Variants in SFMBT2 observed in about 807,000 individuals in gnomAD.
The protein encoded by SFMBT2 is Scm like with four mbt domains 2.
In SFMBT2, 38 loss-of-function variants were observed where a neutral mutation model predicts 110.1. The observed-to-expected ratio is 0.35, with a 90% CI of 0.27 to 0.45. SFMBT2 has a LOEUF of 0.45. SFMBT2 is among the 20% of genes least tolerant of loss of function. The pLI is 1.00. For synonymous variants in SFMBT2, 425 were observed against 425.4 expected (o/e 1.00, Z 0.01); for missense variants, 1,011 against 1,094.9 (o/e 0.92, Z 1.08).
intron 4 of SFMBT2, among the ~76,000 whole-genome samples, chr10:7,315,064 G>GAAAGAA (rs1301710490): frequency 1.4e-5 from 2 of 139,628 alleles, no homozygotes; most frequent in Non-Finnish European, 3.2e-5. Context: ...AAGAAAGAAA[G>GAAAGAA]AAAGAAAGAA....
intron 1 of SFMBT2, among the ~76,000 whole-genome samples, chr10:7,387,016 T>C (rs1156298347): frequency 2.0e-5 from 3 of 152,168 alleles, no homozygotes; most frequent in Non-Finnish European, 2.9e-5. Context: ...TCCCCCATTA[T>C]CCACATTTCC....
intron 7 of SFMBT2, among the ~76,000 whole-genome samples, chr10:7,274,836 C>T (rs2131819614): frequency 6.6e-6 from 1 of 151,520 alleles, no homozygotes; most frequent in South Asian, 2.1e-4. Context: ...GCCTGGGTTA[C>T]AGAGTGACAC....
At chr10:7,384,168 G>A (rs1334720520) in intron 1 of SFMBT2, among the ~76,000 whole-genome samples, 3 of 116,358 alleles carry the variant, frequency 2.6e-5, no homozygotes, top group Admixed American at 1.3e-4. Context: ...CTGAGATCGC[G>A]CCATTGCTCT....
rs191519321 is a variant in SFMBT2 at position 7,211,374 on chromosome 10, C to G, written c.1331-5446G>C. Among the ~76,000 whole-genome samples the G allele has an allele frequency of 4.7e-4, 71 of 152,258 alleles. 1 individual carries two copies. The highest frequency in any genetic ancestry group is 1.0e-3 in the Non-Finnish European group (69 of 68,010). The stretch of plus-strand genomic sequence containing the variant: ...AGTGAGAATGTGCTCACCGGGAAGT[C>G]ACATGCACCACAATGGCAGCTGGAA... On this transcript the variant is annotated intron_variant, in intron 11 of 20. Transcript: ENST00000397167.
At chr10:7,313,154 A>C (rs1341212908) in intron 4 of SFMBT2, among the ~76,000 whole-genome samples, 1 of 150,584 alleles carries the variant, frequency 6.6e-6, no homozygotes, top group Non-Finnish European at 1.5e-5. Context: ...AAATACAGAG[A>C]GAATAATACA....
rs922733037 is a variant in SFMBT2, at chr10:7,189,103, A to T, written c.1699-370T>A. On this transcript the variant is annotated intron_variant, in intron 15 of 20. Transcript: ENST00000397167. ...AGTTGGATAGGCTACTGAGAATTTC[A>T]TTCTATTTTTACAGATTTCATAAGG... 4.2e-6 allele frequency: 4 copies of T among 953,596 alleles called. No individual in the cohort carries two copies. The African/African-American group carries it at 7.1e-5, about 17-fold the overall frequency. The allele number at this position is 953,596 out of a possible 1,614,324, so 59.1% of individuals were successfully genotyped here. A position where few individuals can be genotyped will look rare whatever the true frequency, so the allele number is the denominator to read the frequency against.
chr10:7,204,120 G>A (rs1257934734), intron 12 of SFMBT2: 3 of 206,868 alleles, frequency 1.5e-5, no homozygotes, highest in Admixed American at 6.5e-5. Context: ...AAGGGGAAAC[G>A]ATTACTCCAA....
chr10:7,344,256 CTG>C (rs1165267702), intron 4 of SFMBT2, among the ~76,000 whole-genome samples: 1 of 152,138 alleles, frequency 6.6e-6, no homozygotes, highest in Non-Finnish European at 1.5e-5. Flanking sequence ...TATGGTTTGG[CTG>C]TGTCCCCAAC....
intron 15 of SFMBT2, among the ~76,000 whole-genome samples, chr10:7,190,018 T>TTGTA (rs1838545660): frequency 6.6e-6 from 1 of 152,210 alleles, no homozygotes; most frequent in Non-Finnish European, 1.5e-5. Flanking sequence ...CTTTCTCAAG[T>TTGTA]TGTAACTAAG....
chr10:7,204,282 G>C, intron 12 of SFMBT2: 2 of 921,182 alleles, frequency 2.2e-6, no homozygotes, highest in Non-Finnish European at 2.6e-6. Flanking sequence ...AAACTCTGTC[G>C]CCATCAGGGA....
At chr10:7,246,444 G>A (rs1186739158) in intron 8 of SFMBT2, among the ~76,000 whole-genome samples, 3 of 149,668 alleles carry the variant, frequency 2.0e-5, no homozygotes, top group East Asian at 3.8e-4. Context: ...AGAGAGGCCG[G>A]GTGCAGTGGC....
In SFMBT2 at chr10:7,314,114, A is replaced by G. The variant is rs1458692523; in HGVS notation, c.437-28160T>C. On this transcript the variant is annotated intron_variant, in intron 4 of 20. Transcript: ENST00000397167. Reference sequence around the variant, plus strand: ...ATTATCACTGATTCAAACATGTCCTAGTTAGAACATTTAGTAAGAGTCTAA... The same window carrying G: ...ATTATCACTGATTCAAACATGTCCTGGTTAGAACATTTAGTAAGAGTCTAA... Among the ~76,000 whole-genome samples, 2 of 152,240 alleles carry G rather than the reference A, an allele frequency of 1.3e-5. 1 individual carries two copies. The highest frequency in any genetic ancestry group is 1.3e-4 in the Admixed American group (2 of 15,284).
intron 16 of SFMBT2, among the ~76,000 whole-genome samples, chr10:7,176,893 G>C (rs576507515): frequency 2.0e-5 from 3 of 152,212 alleles, no homozygotes; most frequent in Admixed American, 2.0e-4. Flanking sequence ...AGGGGTCTCC[G>C]GTGGATGAGT....
At chr10:7,198,245 A>AC (rs1838839344) in intron 14 of SFMBT2, 5 of 642,758 alleles carry the variant, frequency 7.8e-6, no homozygotes, top group Non-Finnish European at 9.7e-6. Flanking sequence ...AAGTTCATTC[A>AC]TTTTTTTACT....
chr10:7,215,839 T>A (rs1405831879), intron 11 of SFMBT2: 1 of 554,580 alleles, frequency 1.8e-6, no homozygotes, highest in African/African-American at 2.0e-5. Context: ...GTAGACAAAC[T>A]CGCTAGGCGG....
intron 2 of SFMBT2, among the ~76,000 whole-genome samples, chr10:7,373,078 G>C (rs976486259): frequency 6.6e-6 from 1 of 152,242 alleles, no homozygotes; most frequent in Non-Finnish European, 1.5e-5. Context: ...GCAGTGCTGG[G>C]AGCTGAGGTC....
At chr10:7,391,865 G>A (rs1046213945) in intron 1 of SFMBT2, among the ~76,000 whole-genome samples, 3 of 152,096 alleles carry the variant, frequency 2.0e-5, no homozygotes, top group Admixed American at 6.5e-5. Context: ...GGAATTTCTC[G>A]CGTCATTAAG....
intron 15 of SFMBT2, among the ~76,000 whole-genome samples, chr10:7,193,100 C>G (rs1317227678): frequency 6.6e-6 from 1 of 152,174 alleles, no homozygotes; most frequent in Non-Finnish European, 1.5e-5. Flanking sequence ...CTATTTCTAC[C>G]TTTCTATAGA....
chr10:7,355,080 A>G (rs1844459850), intron 4 of SFMBT2, among the ~76,000 whole-genome samples: 1 of 152,250 alleles, frequency 6.6e-6, no homozygotes, highest in South Asian at 2.1e-4. Context: ...AAAAGATAAA[A>G]TATCACTATA....
Sources: allele counts gnomAD v4.1 joint callset (sites outside exome capture counted in the v4.1 genomes callset), GRCh38; gene constraint gnomAD v4.1.1; transcripts MANE v1.5; gene names NCBI Gene and HGNC (gene_info 2026-07-23, HGNC 2026-07-21).